The following SLCO6A1 variants were observed in gnomAD, a reference collection of about 807,000 sequenced individuals.
The protein encoded by SLCO6A1 is cancer/testis antigen 48.
A neutral mutation model predicts 72.7 loss-of-function variants in SLCO6A1; 65 were observed. The observed-to-expected ratio is 0.89, with a 90% confidence interval of 0.73 to 1.10. The LOEUF (loss-of-function observed/expected upper bound fraction) is 1.10. SLCO6A1 is among the 50% of genes least tolerant of loss of function. SLCO6A1 has a pLI of 0.00. For synonymous variants in SLCO6A1, 314 were observed against 298.2 expected (o/e 1.05, Z -0.55); for missense variants, 874 against 872.6 (o/e 1.00, Z -0.02).
Position 102,480,279 on chromosome 5 carries a change from T to C in SLCO6A1, c.514A>G (p.Ile172Val), listed in dbSNP as rs113753838. 647 of 1,613,480 alleles carry C rather than the reference T, an allele frequency of 4.0e-4. 4 individuals are homozygous for C. The African/African-American group carries it at 7.5e-3, about 19-fold the overall frequency. Residue 172 changes from isoleucine to valine, a missense_variant, in exon 2 of 14, where the codon ATA becomes GTA. Coordinates refer to ENST00000506729, the MANE Select transcript of SLCO6A1 (RefSeq NM_173488.5). The stretch of plus-strand genomic sequence containing the variant: ...AAAAAGGAGGAAGCTACAAACCATA[T>C]TACTTTTTTTCTGTCTCCATAGAAT... ...IAFYGDRKKV[I>V]WFVASSFLIG... is the part of the protein sequence containing the mutation.
intron 9 of SLCO6A1, among the ~76,000 whole-genome samples, chr5:102,410,077 A>C (rs574896698): frequency 6.6e-6 from 1 of 152,248 alleles, no homozygotes; most frequent in Non-Finnish European, 1.5e-5. Context: ...GTCCAGGAAG[A>C]ATGAGGTAGG....
Position 102,459,716 on chromosome 5 carries a change from C to CA in SLCO6A1, c.960dup (p.Ala321CysfsTer28). On this transcript the variant is annotated frameshift_variant, in exon 5 of 14. Coordinates refer to ENST00000506729, the MANE Select transcript of SLCO6A1 (RefSeq NM_173488.5). LOFTEE classifies it high-confidence loss of function. ...AATGTACACCATGCAACGACAGCGG[C>CA]AAAAAGAAAATTAATCCACCAAGTC... 5 of 1,597,770 alleles carry CA rather than the reference C, an allele frequency of 3.1e-6. No homozygotes were observed. The highest frequency in any genetic ancestry group is 4.3e-6 in the Non-Finnish European group (5 of 1,171,562).
rs1004140717 is a variant in SLCO6A1 at position 102,413,052 on chromosome 5, T to C, written c.1564A>G (p.Ile522Val). The change falls in exon 9 of 14, where the codon ATT becomes GTT. Residue 522 changes from isoleucine to valine, a missense_variant. Ile to Val is a conservative substitution (Grantham distance 29). Coordinates refer to ENST00000506729, the MANE Select transcript of SLCO6A1 (RefSeq NM_173488.5). ...GCAAAGCAGGGAGAAAAATATTCAA[T>C]ATCATCTCTTCCACATATAGAAGAA... Reference protein sequence around the residue: ...IYSSICGRDDIEYFSPCFAGC... With the variant: ...IYSSICGRDDVEYFSPCFAGC... 3.8e-6 allele frequency: 6 copies of C among 1,571,864 alleles called. No homozygotes were observed. Among genetic ancestry groups the C allele is most frequent in the African/African-American group, 2.7e-5 (2 of 72,902 alleles).
At chr5:102,484,632 C>T (rs1279042400) in intron 1 of SLCO6A1, among the ~76,000 whole-genome samples, 1 of 151,294 alleles carries the variant, frequency 6.6e-6, no homozygotes, top group Non-Finnish European at 1.5e-5. Flanking sequence ...GCCTGGGCGA[C>T]AGAGGGAGAC....
At chr5:102,383,439 C>T (rs1325494276) in intron 12 of SLCO6A1, among the ~76,000 whole-genome samples, 1 of 151,600 alleles carries the variant, frequency 6.6e-6, no homozygotes, top group Non-Finnish European at 1.5e-5. Context: ...ACTTTTCCTT[C>T]ACCTATTGAA....
In SLCO6A1 at chr5:102,439,823, C is replaced by A. The variant is rs149187213; in HGVS notation, c.1132-1062G>T. Among the ~76,000 whole-genome samples, 35 of 152,224 alleles carry A rather than the reference C, an allele frequency of 2.3e-4. No homozygotes were observed. The East Asian group carries it at 6.4e-3, about 28-fold the overall frequency. On this transcript the variant is annotated intron_variant, in intron 6 of 13. Coordinates refer to ENST00000506729, the MANE Select transcript of SLCO6A1 (RefSeq NM_173488.5). ...TCAGGTTACACTAAAATGACTATAC[C>A]ACCACAATGATGGTAGTGTTTCATT...
intron 7 of SLCO6A1, among the ~76,000 whole-genome samples, chr5:102,427,418 T>A (rs1173023320): frequency 6.6e-6 from 1 of 152,136 alleles, no homozygotes; most frequent in African/African-American, 2.4e-5. Flanking sequence ...TGATATGATG[T>A]TTTGAAAATG....
chr5:102,448,681 G>C (rs570601590), intron 6 of SLCO6A1, among the ~76,000 whole-genome samples: 6 of 152,254 alleles, frequency 3.9e-5, no homozygotes, highest in South Asian at 2.1e-4. Context: ...TCTGAAATAA[G>C]AATAGCAATC....
At chr5:102,375,606 GAAACTTTAAAAT>G (rs1465260147) in intron 12 of SLCO6A1, among the ~76,000 whole-genome samples, 1 of 152,050 alleles carries the variant, frequency 6.6e-6, no homozygotes, top group Non-Finnish European at 1.5e-5. Flanking sequence ...TCAACAGGTG[GAAACTTTAAAAT>G]AATAATAGTT....
At chr5:102,385,106 GTTTC>G (rs1237570974) in intron 12 of SLCO6A1, among the ~76,000 whole-genome samples, 1 of 152,054 alleles carries the variant, frequency 6.6e-6, no homozygotes, top group African/African-American at 2.4e-5. Flanking sequence ...TTGGCTGGCA[GTTTC>G]TTTCTTTCAG....
rs534680595 is a variant in SLCO6A1 at position 102,389,025 on chromosome 5, A to C, written c.1880-200T>G. The stretch of plus-strand genomic sequence containing the variant: ...TTTCAAAAACAATCCATATCCCTCT[A>C]GGTATGAAACAATTAGTAGTTTTGC... On this transcript the variant is annotated intron_variant, in intron 11 of 13. Coordinates refer to ENST00000506729, the MANE Select transcript of SLCO6A1 (RefSeq NM_173488.5). Among the ~76,000 whole-genome samples, 3 of 152,304 alleles carry C rather than the reference A, an allele frequency of 2.0e-5. No homozygotes were observed. In the South Asian group the frequency reaches 6.2e-4, roughly 32 times the overall value.
intron 1 of SLCO6A1, among the ~76,000 whole-genome samples, chr5:102,491,684 C>A (rs1330768665): frequency 1.3e-5 from 2 of 152,256 alleles, no homozygotes; most frequent in Non-Finnish European, 2.9e-5. Flanking sequence ...CTCGTGCTGG[C>A]CCGCAAGCGC....
At chr5:102,378,461 A>T (rs1039262244) in intron 12 of SLCO6A1, among the ~76,000 whole-genome samples, 6 of 152,144 alleles carry the variant, frequency 3.9e-5, no homozygotes, top group Admixed American at 1.3e-4. Context: ...CAAACCAAAC[A>T]GTGTGACCAT....
chr5:102,390,541 C>T (rs1033088792), intron 11 of SLCO6A1, among the ~76,000 whole-genome samples: 7 of 151,978 alleles, frequency 4.6e-5, no homozygotes, highest in African/African-American at 1.7e-4. Context: ...AGTACATTAC[C>T]TCCCAACATT....
At chr5:102,395,625 C>T (rs541289813) in intron 10 of SLCO6A1, among the ~76,000 whole-genome samples, 74 of 152,206 alleles carry the variant, frequency 4.9e-4, no homozygotes, top group African/African-American at 1.7e-3. Context: ...CACTGACTTC[C>T]ACAATGGTTG....
At chr5:102,372,803 A>G (rs1327447619) in intron 13 of SLCO6A1, among the ~76,000 whole-genome samples, 1 of 151,924 alleles carries the variant, frequency 6.6e-6, no homozygotes, top group Non-Finnish European at 1.5e-5. Flanking sequence ...AATTAACCAA[A>G]GAAATTTTCT....
chr5:102,381,005 T>C (rs2112484187), intron 12 of SLCO6A1, among the ~76,000 whole-genome samples: 1 of 151,998 alleles, frequency 6.6e-6, no homozygotes, highest in Non-Finnish European at 1.5e-5. Context: ...AAAGCATTAG[T>C]TTTTGATGAC....
chr5:102,427,767 C>T (rs1748975514), intron 7 of SLCO6A1, among the ~76,000 whole-genome samples: 1 of 148,350 alleles, frequency 6.7e-6, no homozygotes, highest in South Asian at 2.1e-4. Context: ...ATCTACCATG[C>T]TAATATAAGA....
intron 12 of SLCO6A1, among the ~76,000 whole-genome samples, chr5:102,383,454 T>C (rs1746236266): frequency 6.6e-6 from 1 of 151,798 alleles, no homozygotes; most frequent in South Asian, 2.1e-4. Context: ...ATTGAAATTA[T>C]CGTATTATTT....
Sources: allele counts gnomAD v4.1 joint callset (sites outside exome capture counted in the v4.1 genomes callset), GRCh38; gene constraint gnomAD v4.1.1; transcripts MANE v1.5; gene names NCBI Gene and HGNC (gene_info 2026-07-23, HGNC 2026-07-21).